RAI1: variants seen among roughly 807,000 people sequenced by gnomAD.
RAI1 encodes retinoic acid induced 1, also known as retinoic acid-induced protein 1.
In RAI1, 9 loss-of-function variants were observed where a neutral mutation model predicts 123.8. The observed-to-expected ratio is 0.07, with a 90% CI of 0.04 to 0.13. The LOEUF (loss-of-function observed/expected upper bound fraction) is 0.13, where lower values mean the gene tolerates loss of function less well. Among genes scored for constraint, RAI1 ranks in the 10% least tolerant of loss-of-function variants. The probability of loss-of-function intolerance (pLI) is 1.00; values close to 1 mark genes in which losing one functional copy is unlikely to be tolerated. For synonymous variants in RAI1, 1,231 were observed against 1,127.3 expected (o/e 1.09, Z -1.84); for missense variants, 2,256 against 2,545.8 (o/e 0.89, Z 2.45).
chr17:17,768,713 C>T (rs955267524), intron 2 of RAI1, among the ~76,000 whole-genome samples: 3 of 152,228 alleles, frequency 2.0e-5, no homozygotes, highest in Non-Finnish European at 2.9e-5. Flanking sequence ...AGACACAAGA[C>T]GACTCAGGTT....
At chr17:17,785,966 G>C (rs1187608466) in intron 2 of RAI1, among the ~76,000 whole-genome samples, 1 of 152,180 alleles carries the variant, frequency 6.6e-6, no homozygotes, top group Non-Finnish European at 1.5e-5. Context: ...CTTTGTACTT[G>C]GTTGATAATA....
At chr17:17,783,087 C>G (rs6502616) in intron 2 of RAI1, among the ~76,000 whole-genome samples, 152,260 of 152,268 alleles carry the variant, frequency 1, 76,126 homozygotes, top group Middle Eastern at 1. Context: ...CAGCCCCCCG[C>G]GGTCCCCGCG....
In RAI1 at chr17:17,802,668, G is replaced by A. The variant is rs372105919; in HGVS notation, c.5566-1088G>A. Among the ~76,000 whole-genome samples the A allele has an allele frequency of 4.7e-4, 71 of 152,212 alleles. No individual in the cohort carries two copies. The East Asian group carries it at 0.01, about 22-fold the overall frequency. On this transcript the variant is annotated intron_variant, in intron 3 of 5. Transcript: ENST00000353383. ...GCGGGCACCTGTAGTCCCAGCTACT[G>A]GGGAGGCTGAGGCAGGAGAATGGCG...
At chr17:17,754,329 C>G (rs571839561) in intron 2 of RAI1, among the ~76,000 whole-genome samples, 5 of 151,748 alleles carry the variant, frequency 3.3e-5, no homozygotes, top group African/African-American at 4.8e-5. Context: ...CTCAGCCCCC[C>G]GGGTTCAAGC....
At chr17:17,682,490 C>T (rs1914466336) in intron 1 of RAI1, 1 of 152,116 alleles carries the variant, frequency 6.6e-6, no homozygotes, top group Non-Finnish European at 1.5e-5. Context: ...GACACGCGAG[C>T]CTTGCGCCCC....
Position 17,681,702 on chromosome 17 carries a change from C to T in RAI1, c.-240C>T, listed in dbSNP as rs1914419712. On this transcript the variant is annotated 5_prime_UTR_variant, in exon 1 of 6. Transcript: ENST00000353383. ...CTGCCTGGCCGCGGGCCGGCCGGGC[C>T]GCCGCGCCCCGACCCCCATGGCCAC... 1.3e-5 allele frequency: 4 copies of T among 302,384 alleles called. No homozygotes were observed. Among genetic ancestry groups the T allele is most frequent in the Non-Finnish European group, 2.4e-5 (4 of 164,424 alleles). The allele number at this position is 302,384 out of a possible 1,614,324, so 18.7% of individuals were successfully genotyped here.
At chr17:17,715,361 T>C (rs574006543) in intron 1 of RAI1, among the ~76,000 whole-genome samples, 8 of 152,340 alleles carry the variant, frequency 5.3e-5, no homozygotes, top group African/African-American at 1.7e-4. Context: ...CTCTCTCTTC[T>C]GCTTGCAGAG....
At chr17:17,783,094 C>A (rs1335288053) in intron 2 of RAI1, among the ~76,000 whole-genome samples, 1 of 136,052 alleles carries the variant, frequency 7.4e-6, no homozygotes, top group Non-Finnish European at 1.6e-5. Flanking sequence ...CCGCGGTCCC[C>A]GCGCAGGCGA....
chr17:17,734,230 C>T (rs776739293), intron 2 of RAI1, among the ~76,000 whole-genome samples: 2 of 152,074 alleles, frequency 1.3e-5, no homozygotes, highest in Non-Finnish European at 2.9e-5. Flanking sequence ...CTGCCTTTAG[C>T]CCCCAACGAC....
At chr17:17,789,942 C>T (rs2031954145) in intron 2 of RAI1, among the ~76,000 whole-genome samples, 1 of 152,106 alleles carries the variant, frequency 6.6e-6, no homozygotes, top group Non-Finnish European at 1.5e-5. Flanking sequence ...TCCCTCCAGC[C>T]CAAGCCACAG....
chr17:17,777,438 C>G (rs2031385811), intron 2 of RAI1: 1 of 152,272 alleles, frequency 6.6e-6, no homozygotes, highest in Admixed American at 6.5e-5. Flanking sequence ...AGGCTTCACC[C>G]CGTGGGGCTC....
At chr17:17,804,686 G>A (rs940855817) in intron 4 of RAI1, among the ~76,000 whole-genome samples, 3 of 152,116 alleles carry the variant, frequency 2.0e-5, no homozygotes, top group African/African-American at 7.2e-5. Context: ...TTGAGACAGA[G>A]TTTTGCTCTG....
At chr17:17,696,007 G>A (rs1472725779) in intron 1 of RAI1, among the ~76,000 whole-genome samples, 1 of 152,142 alleles carries the variant, frequency 6.6e-6, no homozygotes, top group Non-Finnish European at 1.5e-5. Flanking sequence ...GCTGAGAATC[G>A]GCTACAGTTG....
intron 2 of RAI1, among the ~76,000 whole-genome samples, chr17:17,784,316 GT>G (rs1312259442): frequency 4.6e-5 from 7 of 152,364 alleles, no homozygotes; most frequent in African/African-American, 1.7e-4. Context: ...GCGAGGGGCG[GT>G]TCCGCCTAGG....
At chr17:17,765,872 T>G (rs977955057) in intron 2 of RAI1, 1 of 152,268 alleles carries the variant, frequency 6.6e-6, no homozygotes, top group African/African-American at 2.4e-5. Context: ...GGGTAATCCT[T>G]TGCCTGGAAT....
In RAI1 at chr17:17,792,832, AAAGG is replaced by A. The variant is rs201234899; in HGVS notation, c.-16-97_-16-94del. On this transcript the variant is annotated intron_variant, in intron 2 of 5. Transcript: ENST00000353383. ...GGGTGGGAGGGTGCTTTCTGAGGCA[AAAGG>A]AAGTGGCCCGTCTGAATCGCTCATC... is the stretch of plus-strand genomic sequence containing the variant. The A allele has an allele frequency of 5.7e-3, 5,671 of 999,976 alleles. 68 individuals carry two copies. The highest frequency in any genetic ancestry group is 0.023 in the South Asian group (1,584 of 69,442). The allele number at this position is 999,976 out of a possible 1,614,324, so 61.9% of individuals were successfully genotyped here.
intron 2 of RAI1, among the ~76,000 whole-genome samples, chr17:17,742,799 C>G (rs1471706522): frequency 6.6e-6 from 1 of 152,198 alleles, no homozygotes; most frequent in Non-Finnish European, 1.5e-5. Context: ...ACGCACTGTT[C>G]TACAACCCTA....
chr17:17,754,191 CTTTTTTTTTTTTTTTTTTTTT>C (rs1158475382), intron 2 of RAI1, among the ~76,000 whole-genome samples: 1 of 75,720 alleles, frequency 1.3e-5, no homozygotes, highest in African/African-American at 5.8e-5. Flanking sequence ...CTAACCCAAT[CTTTTTTTTTTTTTTTTTTTTT>C]TTTTTTTTTG....
At chr17:17,754,094 T>C (rs949232818) in intron 2 of RAI1, among the ~76,000 whole-genome samples, 14 of 151,370 alleles carry the variant, frequency 9.2e-5, no homozygotes, top group African/African-American at 1.5e-4. Flanking sequence ...CAAGGATCCC[T>C]GGAAGAAATC....
Sources: allele counts gnomAD v4.1 joint callset (sites outside exome capture counted in the v4.1 genomes callset), GRCh38; gene constraint gnomAD v4.1.1; transcripts MANE v1.5; gene names NCBI Gene and HGNC (gene_info 2026-07-23, HGNC 2026-07-21).